Variants in ANKS1B observed in about 807,000 individuals in gnomAD.
The protein encoded by ANKS1B is ankyrin repeat and sterile alpha motif domain containing 1B.
Under a neutral mutation model 148.3 loss-of-function variants are expected in ANKS1B, and 36 were observed. The ratio of observed to expected loss-of-function variants is 0.24; its 90% CI spans 0.19 to 0.32. The LOEUF (loss-of-function observed/expected upper bound fraction) is 0.32, where lower values mean the gene tolerates loss of function less well. Ranked by LOEUF, ANKS1B falls within the 10% of genes least tolerant of loss-of-function variation. ANKS1B has a pLI of 1.00. For missense variants in ANKS1B, 1,157 were observed against 1,542.6 expected, an observed-to-expected ratio of 0.75 and a Z score of 4.19; for synonymous variants, 542 against 560.8, an observed-to-expected ratio of 0.97 and a Z score of 0.47.
intron 15 of ANKS1B, among the ~76,000 whole-genome samples, chr12:99,092,784 C>T (rs564621517): frequency 6.6e-5 from 10 of 152,140 alleles, no homozygotes; most frequent in African/African-American, 1.4e-4. Flanking sequence ...CATATAATGA[C>T]GCAGAAAGAA....
chr12:99,176,064 G>T (rs2078349326), intron 14 of ANKS1B, among the ~76,000 whole-genome samples: 1 of 152,056 alleles, frequency 6.6e-6, no homozygotes, highest in Non-Finnish European at 1.5e-5. Context: ...GGCCAGGCTG[G>T]TTTCAAACTC....
At chr12:99,083,200 T>C (rs1565957664) in intron 16 of ANKS1B, among the ~76,000 whole-genome samples, 1 of 152,146 alleles carries the variant, frequency 6.6e-6, no homozygotes. Context: ...TCCTTAGAAA[T>C]AGTGGCTAAT....
At chr12:99,716,286 C>T (rs1249542311) in intron 8 of ANKS1B, among the ~76,000 whole-genome samples, 6 of 147,928 alleles carry the variant, frequency 4.1e-5, no homozygotes, top group Non-Finnish European at 7.4e-5. Flanking sequence ...CTTATTTCCA[C>T]ACCCCGACCT....
rs56965572 is a variant in ANKS1B at position 99,052,734 on chromosome 12, C to CAAAA, written c.2778+419_2778+422dup. Among the ~76,000 whole-genome samples, 6 of 26,014 alleles carry CAAAA rather than the reference C, an allele frequency of 2.3e-4. 1 individual carries two copies. Among genetic ancestry groups the CAAAA allele is most frequent in the African/African-American group, 5.7e-4 (3 of 5,290 alleles). 17.1% of individuals were successfully genotyped at this position (26,014 alleles called of 152,430 possible). A position where few individuals can be genotyped will look rare whatever the true frequency, so the allele number is the denominator to read the frequency against. ...TGGGCGACAGAGCGAGACTCCGTCT[C>CAAAA]AAAAAAAAAAAAAAAAAAAAAAAAG... On this transcript the variant is annotated intron_variant, in intron 17 of 26. Coordinates refer to ENST00000683438, the MANE Select transcript of ANKS1B (RefSeq NM_001352186.2).
intron 1 of ANKS1B, among the ~76,000 whole-genome samples, chr12:99,976,712 A>T (rs2095633904): frequency 6.6e-6 from 1 of 152,212 alleles, no homozygotes; most frequent in South Asian, 2.1e-4. Context: ...TCACAACTAG[A>T]TCCATGAAGA....
At chr12:99,462,043 A>G (rs149146151) in intron 10 of ANKS1B, among the ~76,000 whole-genome samples, 1 of 152,292 alleles carries the variant, frequency 6.6e-6, no homozygotes, top group African/African-American at 2.4e-5. Context: ...CCCATCACTT[A>G]ACAACTCTCT....
At chr12:98,823,881 T>C (rs959369229) in intron 19 of ANKS1B, among the ~76,000 whole-genome samples, 1 of 152,188 alleles carries the variant, frequency 6.6e-6, no homozygotes, top group Non-Finnish European at 1.5e-5. Context: ...GCCAGAGCAG[T>C]GGGTAGAATT....
chr12:99,040,525 C>T (rs1313354602), intron 17 of ANKS1B, among the ~76,000 whole-genome samples: 1 of 152,114 alleles, frequency 6.6e-6, no homozygotes, highest in African/African-American at 2.4e-5. Flanking sequence ...GCAAGACCAG[C>T]CTAGTGTACC....
chr12:99,962,718 T>A (rs374606940), intron 1 of ANKS1B, among the ~76,000 whole-genome samples: 1 of 152,196 alleles, frequency 6.6e-6, no homozygotes, highest in Non-Finnish European at 1.5e-5. Context: ...CTATTGTCTC[T>A]TGACTTTTTA....
intron 17 of ANKS1B, among the ~76,000 whole-genome samples, chr12:99,052,608 G>C (rs2099966877): frequency 6.7e-6 from 1 of 148,504 alleles, no homozygotes; most frequent in East Asian, 2.0e-4. Context: ...GGCGCCTGTA[G>C]TCCCAGCTAC....
intron 1 of ANKS1B, among the ~76,000 whole-genome samples, chr12:99,847,820 C>T (rs969623503): frequency 2.0e-5 from 3 of 152,120 alleles, no homozygotes; most frequent in African/African-American, 7.2e-5. Flanking sequence ...CACCCTTCTG[C>T]CCCTACAGTT....
chr12:98,833,178 A>G (rs543173028), intron 17 of ANKS1B, among the ~76,000 whole-genome samples: 4 of 152,184 alleles, frequency 2.6e-5, no homozygotes, highest in African/African-American at 9.6e-5. Flanking sequence ...ACCCCTTTCA[A>G]TCTTCCCAAC....
intron 17 of ANKS1B, among the ~76,000 whole-genome samples, chr12:98,860,852 G>T (rs1490471002): frequency 2.0e-5 from 3 of 152,044 alleles, no homozygotes; most frequent in Non-Finnish European, 4.4e-5. Context: ...CTGCAAGTCC[G>T]GTACGGGTAT....
intron 8 of ANKS1B, among the ~76,000 whole-genome samples, chr12:99,744,120 T>C (rs999810121): frequency 6.6e-6 from 1 of 152,134 alleles, no homozygotes; most frequent in Non-Finnish European, 1.5e-5. Context: ...CTGCAGATAC[T>C]GAAAGATGAC....
chr12:99,474,438 T>C (rs562188859), intron 10 of ANKS1B, among the ~76,000 whole-genome samples: 8 of 152,190 alleles, frequency 5.3e-5, no homozygotes, highest in Non-Finnish European at 1.2e-4. Flanking sequence ...AAATCAAGTA[T>C]ATCAGTGGTT....
chr12:99,111,589 G>A lies in ANKS1B; in HGVS notation c.2527-26566C>T, dbSNP rs531679859. On this transcript the variant is annotated intron_variant, in intron 15 of 26. Coordinates refer to ENST00000683438, the MANE Select transcript of ANKS1B (RefSeq NM_001352186.2). ...TGCCACCTTCCAACCTCATGAAAGT[G>A]CTGAACCCCAGTGTGTGGGAAAGCG... Among the ~76,000 whole-genome samples, 71 of 151,672 alleles carry A rather than the reference G, an allele frequency of 4.7e-4. 1 individual carries two copies. Among genetic ancestry groups the A allele is most frequent in the African/African-American group, 1.7e-3 (70 of 41,378 alleles).
intron 9 of ANKS1B, among the ~76,000 whole-genome samples, chr12:99,617,957 T>C (rs977817319): frequency 1.3e-5 from 2 of 152,212 alleles, no homozygotes; most frequent in African/African-American, 2.4e-5. Flanking sequence ...CTCTTTTGAA[T>C]TGAAATAAGT....
At chr12:99,940,077 T>C (rs2094881536) in intron 1 of ANKS1B, among the ~76,000 whole-genome samples, 1 of 152,160 alleles carries the variant, frequency 6.6e-6, no homozygotes, top group African/African-American at 2.4e-5. Flanking sequence ...CATTAGTAAA[T>C]GCATAAGCAC....
At chr12:99,595,035 T>C (rs2097744233) in intron 9 of ANKS1B, among the ~76,000 whole-genome samples, 1 of 152,014 alleles carries the variant, frequency 6.6e-6, no homozygotes, top group South Asian at 2.1e-4. Flanking sequence ...CAATATGTTA[T>C]TCCTGAAAGA....
Sources: gnomAD v4.1 joint callset for allele counts (sites outside exome capture counted in the v4.1 genomes callset) on GRCh38, gnomAD v4.1.1 for gene constraint, MANE v1.5 for transcripts, NCBI Gene and HGNC (gene_info 2026-07-23, HGNC 2026-07-21) for gene names.